Variants in KMT2A observed in about 807,000 individuals in gnomAD.
The protein encoded by KMT2A is histone-lysine N-methyltransferase 2A.
Under a neutral mutation model 345.3 loss-of-function variants are expected in KMT2A, and 16 were observed. The ratio of observed to expected loss-of-function variants is 0.05; its 90% CI spans 0.03 to 0.07. The LOEUF is 0.07. KMT2A is among the 10% of genes least tolerant of loss of function. The pLI, the probability that KMT2A is intolerant of heterozygous loss-of-function variation, is 1.00. For synonymous variants in KMT2A, 1,599 were observed against 1,778.6 expected (o/e 0.90, Z 2.54); for missense variants, 3,272 against 4,841.6 (o/e 0.68, Z 9.62).
intron 25 of KMT2A, 122 bp downstream of exon 25, chr11:118,501,269 C>G: frequency 2.4e-6 from 2 of 842,050 alleles, no homozygotes; most frequent in Non-Finnish European, 3.7e-6. Flanking sequence ...AACAGCCTGG[C>G]CAACATGGTG....
At position 118,497,981 on chromosome 11, in the gene KMT2A, G is replaced by A. The variant is rs1555044494; in HGVS notation, c.5710G>A (p.Val1904Ile). The A allele has an allele frequency of 6.2e-7, 1 of 1,613,740 alleles. No homozygotes were observed. Among genetic ancestry groups the A allele is most frequent in the Admixed American group, 1.7e-5 (1 of 60,022 alleles). The change falls in exon 21 of 36, where the codon GTA becomes ATA. Residue 1904 changes from valine to isoleucine, a missense_variant. This residue lies in a region of KMT2A where 235 missense variants were observed against 503.4 expected (regional missense o/e 0.47). Coordinates refer to ENST00000534358, the MANE Select transcript of KMT2A (RefSeq NM_001197104.2). This position sits in a 1 kb window ranked among gnomAD's most constrained non-coding sequence, Gnocchi z 4.8. ...TATTGGCCAAAATGAGTGGACACAT[G>A]TAAATTGTGCTTTGTGGTCAGCGGA... ...LYIGQNEWTH[V>I]NCALWSAEVF...
In KMT2A at chr11:118,507,615, C is replaced by T. The variant is rs781942657; in HGVS notation, c.10835+6C>T. ...GAGTGTGGGCAACCTGCAGGGTAAG[C>T]TGAAGAATTCGTCTTTTAAGACTAA... On this transcript the variant is annotated splice_donor_region_variant and intron_variant, in intron 28 of 35. Coordinates refer to ENST00000534358, the MANE Select transcript of KMT2A (RefSeq NM_001197104.2). The T allele has an allele frequency of 1.9e-5, 31 of 1,608,846 alleles. No homozygotes were observed. In the Admixed American group the frequency reaches 2.3e-4, roughly 12 times the overall value.
intron 1 of KMT2A, among the ~76,000 whole-genome samples, chr11:118,463,206 C>T (rs943824797): frequency 2.0e-5 from 3 of 151,806 alleles, no homozygotes; most frequent in Non-Finnish European, 2.9e-5. Flanking sequence ...AATCCTCCTA[C>T]CTTGTCCTCC....
In KMT2A at chr11:118,506,204, A is replaced by G; in HGVS notation, c.10312A>G (p.Thr3438Ala). The G allele has an allele frequency of 6.2e-7, 1 of 1,614,090 alleles. No individual in the cohort carries two copies. Among genetic ancestry groups the G allele is most frequent in the Non-Finnish European group, 8.5e-7 (1 of 1,180,014 alleles). Residue 3438 changes from threonine (T) to alanine (A), a missense_variant, in exon 27 of 36, where the codon ACG becomes GCG. Thr to Ala is a moderately conservative substitution (Grantham distance 58, BLOSUM62 0). Coordinates refer to ENST00000534358, the MANE Select transcript of KMT2A (RefSeq NM_001197104.2). ...SICVLPSTQT[T>A]GITAASPSGE... ...CTGTGTGCTCCCCTCCACTCAGACT[A>G]CGGGCATAACAGCCGCTTCACCTTC... is the stretch of plus-strand genomic sequence containing the variant.
Position 118,526,258 on chromosome 11 carries a change from CT to C in KMT2A, c.*4087del, listed in dbSNP as rs1316239115. The stretch of plus-strand genomic sequence containing the variant: ...GCCCATGAATGTTGCCAGTCAGTAC[CT>C]GTCCTCCTTGTTTCTCTATTTTTGG... On this transcript the variant is annotated 3_prime_UTR_variant, in exon 36 of 36. Coordinates refer to ENST00000534358, the MANE Select transcript of KMT2A (RefSeq NM_001197104.2). 3 of 220,516 alleles carry C rather than the reference CT, an allele frequency of 1.4e-5. No homozygotes were observed. The highest frequency in any genetic ancestry group is 2.7e-5 in the Non-Finnish European group (3 of 110,102). The allele number at this position is 220,516 out of a possible 1,614,324, so 13.7% of individuals were successfully genotyped here. A position where few individuals can be genotyped will look rare whatever the true frequency, so the allele number is the denominator to read the frequency against.
chr11:118,496,460 T>G lies in KMT2A; in HGVS notation c.5664+93T>G. ...ATACTTGATGACTGGGTGCCATTTA[T>G]TTAATGAACTTACTTATAACTTACT... is the stretch of plus-strand genomic sequence containing the variant. On this transcript the variant is annotated intron_variant, in intron 20 of 35. Transcript: ENST00000534358. This position sits in a 1 kb window ranked among gnomAD's most constrained non-coding sequence, Gnocchi z 4.7. The G allele has an allele frequency of 1.3e-6, 1 of 768,342 alleles. No individual in the cohort carries two copies. Among genetic ancestry groups the G allele is most frequent in the Non-Finnish European group, 2.2e-6 (1 of 446,010 alleles). The allele number at this position is 768,342 out of a possible 1,614,324, so 47.6% of individuals were successfully genotyped here. A position where few individuals can be genotyped will look rare whatever the true frequency, so the allele number is the denominator to read the frequency against.
rs201345346 is a variant in KMT2A, at chr11:118,506,219, G to A, written c.10327G>A (p.Ala3443Thr). The A allele has an allele frequency of 9.5e-5, 154 of 1,614,110 alleles. No homozygotes were observed. The highest frequency in any genetic ancestry group is 3.3e-4 in the African/African-American group (25 of 75,006). ...CACTCAGACTACGGGCATAACAGCC[G>A]CTTCACCTTCTGGGGAAGCAGACGA... ...PSTQTTGITA[A>T]SPSGEADEHY... The change falls in exon 27 of 36, where the codon GCT (alanine) becomes ACT (threonine). Residue 3443 changes from alanine to threonine, a missense_variant. By Grantham distance (58) the Ala-to-Thr change is moderately conservative. Around this residue, in one of 27 missense-constraint regions of KMT2A, gnomAD observed 748 missense variants for 922.2 expected, o/e 0.81. Coordinates refer to ENST00000534358, the MANE Select transcript of KMT2A (RefSeq NM_001197104.2).
chr11:118,496,469 C>T lies in KMT2A; in HGVS notation c.5664+102C>T. 1.4e-6 allele frequency: 1 copy of T among 719,936 alleles called. No homozygotes were observed. Among genetic ancestry groups the T allele is most frequent in the Non-Finnish European group, 2.4e-6 (1 of 412,460 alleles). 44.6% of individuals were successfully genotyped at this position (719,936 alleles called of 1,614,324 possible). ...GACTGGGTGCCATTTATTTAATGAA[C>T]TTACTTATAACTTACTAATTTATAA... On this transcript the variant is annotated intron_variant, in intron 20 of 35. Coordinates refer to ENST00000534358, the MANE Select transcript of KMT2A (RefSeq NM_001197104.2). This position sits in a 1 kb window ranked among gnomAD's most constrained non-coding sequence, Gnocchi z 4.7.
Position 118,475,680 on chromosome 11 carries a change from G to T in KMT2A, c.3157-1125G>T, listed in dbSNP as rs9332778. On this transcript the variant is annotated intron_variant, in intron 3 of 35. Transcript: ENST00000534358. ...GGAGGTTGCAGTGAGCCGAGATCACGGCACTACACTCCAGCCTGGGTGACA... is the reference window on the plus strand; with the variant it reads ...GGAGGTTGCAGTGAGCCGAGATCACTGCACTACACTCCAGCCTGGGTGACA... Among the ~76,000 whole-genome samples, 11 of 152,158 alleles carry T rather than the reference G, an allele frequency of 7.2e-5. 1 individual carries two copies. The East Asian group carries it at 1.6e-3, about 22-fold the overall frequency.
rs561096499 is a variant in KMT2A, at chr11:118,454,164, A to G, written c.433-14611A>G. Among the ~76,000 whole-genome samples the G allele has an allele frequency of 1.6e-3, 247 of 152,314 alleles. 2 individuals are homozygous for G. The Middle Eastern group carries it at 0.02, about 13-fold the overall frequency. On this transcript the variant is annotated intron_variant, in intron 1 of 35. Transcript: ENST00000534358. ...CACTAAAGTTTGTTTCTCACATAGC[A>G]ACAGTAAACTCTGGTATCAAATCCT...
Position 118,484,982 on chromosome 11 carries a change from C to G in KMT2A, c.4332+7C>G, listed in dbSNP as rs1555040485. 4.0e-6 allele frequency: 6 copies of G among 1,496,254 alleles called. No homozygotes were observed. Among genetic ancestry groups the G allele is most frequent in the Non-Finnish European group, 5.6e-6 (6 of 1,072,956 alleles). 92.7% of individuals were successfully genotyped at this position (1,496,254 alleles called of 1,614,324 possible). On this transcript the variant is annotated splice_region_variant and intron_variant, in intron 10 of 35. Transcript: ENST00000534358. This position sits in a 1 kb window ranked among gnomAD's most constrained non-coding sequence, Gnocchi z 4.1. ...CAGTAGTGGGCATGTAGAGGTAAGG[C>G]ATCCTGCTTCTTTGTACCCCAGGAA...
At chr11:118,444,044 C>T (rs1555026546) in intron 1 of KMT2A, among the ~76,000 whole-genome samples, 2 of 152,168 alleles carry the variant, frequency 1.3e-5, no homozygotes, top group African/African-American at 4.8e-5. Flanking sequence ...TCTTATTTTA[C>T]AGCATCAAGG....
rs782379505 is a variant in KMT2A, at chr11:118,493,008, A to G, written c.5005-49A>G. On this transcript the variant is annotated intron_variant, in intron 15 of 35. Coordinates refer to ENST00000534358, the MANE Select transcript of KMT2A (RefSeq NM_001197104.2). This position sits in a 1 kb window ranked among gnomAD's most constrained non-coding sequence, Gnocchi z 5.8. ...TAATTTTAATAGAATTTACATGGACACCTTGGTTTTAGTGTTAGATAAAAG... is the reference window on the plus strand; with the variant it reads ...TAATTTTAATAGAATTTACATGGACGCCTTGGTTTTAGTGTTAGATAAAAG... 4 of 1,436,024 alleles carry G rather than the reference A, an allele frequency of 2.8e-6. No homozygotes were observed. In the South Asian group the frequency reaches 4.9e-5, roughly 17 times the overall value. 89.0% of individuals were successfully genotyped at this position (1,436,024 alleles called of 1,614,324 possible). A position where few individuals can be genotyped will look rare whatever the true frequency, so the allele number is the denominator to read the frequency against.
Position 118,493,015 on chromosome 11 carries a change from T to A in KMT2A, c.5005-42T>A, listed in dbSNP as rs1484856413. On this transcript the variant is annotated intron_variant, in intron 15 of 35. Coordinates refer to ENST00000534358, the MANE Select transcript of KMT2A (RefSeq NM_001197104.2). This position sits in a 1 kb window ranked among gnomAD's most constrained non-coding sequence, Gnocchi z 5.8. ...AATAGAATTTACATGGACACCTTGG[T>A]TTTAGTGTTAGATAAAAGCAACATA... 6.5e-7 allele frequency: 1 copy of A among 1,543,480 alleles called. No individual in the cohort carries two copies. Among genetic ancestry groups the A allele is most frequent in the East Asian group, 2.3e-5 (1 of 44,284 alleles).
chr11:118,437,093 C>A, intron 1 of KMT2A, 149 bp downstream of exon 1: 1 of 960,438 alleles, frequency 1.0e-6, no homozygotes, highest in Non-Finnish European at 1.4e-6. Context: ...CTTGGGACCC[C>A]CATGCAGGGC....
Position 118,491,017 on chromosome 11 carries a change from G to A in KMT2A, c.4697-179G>A, listed in dbSNP as rs558066156. Among the ~76,000 whole-genome samples the A allele has an allele frequency of 6.6e-6, 1 of 152,092 alleles. No homozygotes were observed. The highest frequency in any genetic ancestry group is 6.5e-5 in the Admixed American group (1 of 15,270). ...ATATGAAGCTTTTCTGTGAGTATTC[G>A]AGGGGCTCAGAATAATCTTGAGACT... is the stretch of plus-strand genomic sequence containing the variant. On this transcript the variant is annotated intron_variant, in intron 13 of 35. Coordinates refer to ENST00000534358, the MANE Select transcript of KMT2A (RefSeq NM_001197104.2). The surrounding 1 kb of genome is among the most constrained non-coding windows in gnomAD (Gnocchi z 4.2).
At position 118,525,674 on chromosome 11, in the gene KMT2A, TA is replaced by T. The variant is rs1669209896; in HGVS notation, c.*3503del. On this transcript the variant is annotated 3_prime_UTR_variant, in exon 36 of 36. Transcript: ENST00000534358. ...AATAAAAAAAATATTCTAATGAATG[TA>T]TCTTTCTAAAGGACTGACGTTCAAT... 4.4e-6 allele frequency: 1 copy of T among 229,630 alleles called. No homozygotes were observed. Among genetic ancestry groups the T allele is most frequent in the Non-Finnish European group, 8.6e-6 (1 of 116,196 alleles). The allele number at this position is 229,630 out of a possible 1,614,324, so 14.2% of individuals were successfully genotyped here. A position where few individuals can be genotyped will look rare whatever the true frequency, so the allele number is the denominator to read the frequency against.
At chr11:118,438,641 C>CTATT in intron 1 of KMT2A, among the ~76,000 whole-genome samples, 1 of 152,254 alleles carries the variant, frequency 6.6e-6, no homozygotes, top group East Asian at 1.9e-4. Context: ...TATTGTGCCC[C>CTATT]GCACCCCTTT....
At chr11:118,489,913 T>C in intron 12 of KMT2A, 26 bp downstream of exon 12, 1 of 1,586,490 alleles carries the variant, frequency 6.3e-7, no homozygotes, top group East Asian at 2.2e-5. Context: ...GATGCTCTTT[T>C]ATAGAGAACC....
Sources: gnomAD v4.1 joint callset for allele counts (sites outside exome capture counted in the v4.1 genomes callset) on GRCh38, gnomAD v4.1.1 for gene constraint, gnomAD v4.1.1 regional missense constraint, Gnocchi (gnomAD v3.1) non-coding constraint, MANE v1.5 for transcripts, NCBI Gene and HGNC (gene_info 2026-07-23, HGNC 2026-07-21) for gene names.